Variants in PPARA observed in about 807,000 individuals in gnomAD.
PPARA encodes the protein peroxisome proliferator activated receptor alpha, also known as peroxisome proliferator-activated receptor alpha.
PPARA carries 22 observed loss-of-function variants against 42.2 expected under a neutral mutation model. The ratio of observed to expected loss-of-function variants is 0.52; its 90% CI spans 0.37 to 0.74. The LOEUF (loss-of-function observed/expected upper bound fraction) is 0.74, where lower values mean the gene tolerates loss of function less well. Among genes scored for constraint, PPARA ranks in the 30% least tolerant of loss-of-function variants. The pLI, the probability that PPARA is intolerant of heterozygous loss-of-function variation, is 0.00. For missense variants in PPARA, 465 were observed against 608.2 expected (o/e 0.76, Z 2.48); for synonymous variants, 242 against 239.3 (o/e 1.01, Z -0.10).
In PPARA at chr22:46,198,351, G is replaced by A. The variant is rs1364319650; in HGVS notation, c.-33G>A. On this transcript the variant is annotated 5_prime_UTR_variant, in exon 4 of 9. Transcript: ENST00000407236. ...TCCTCTTTCCTCCCAGTAGCTTGGA[G>A]CTCGGCGGCACAACCAGCACCATCT... 1.2e-6 allele frequency: 2 copies of A among 1,601,328 alleles called. No homozygotes were observed. Among genetic ancestry groups the A allele is most frequent in the South Asian group, 2.2e-5 (2 of 90,852 alleles).
intron 2 of PPARA, among the ~76,000 whole-genome samples, chr22:46,174,190 AAGAG>A (rs150359508): frequency 0.021 from 2,697 of 126,714 alleles, 48 homozygotes; most frequent in African/African-American, 0.057. Context: ...AGAAGGAAGA[AAGAG>A]AGAGAGAGAG....
rs1935225572 is a variant in PPARA at position 46,224,217 on chromosome 22, G to C, written c.711+4203G>C. ...CTTGTCTGCGCACGGGACGCTGGAG[G>C]CACGGCCCCCTCCTCCCTGCCTAGC... On this transcript the variant is annotated intron_variant, in intron 7 of 8. Coordinates refer to ENST00000407236, the MANE Select transcript of PPARA (RefSeq NM_005036.6). This position sits in a 1 kb window ranked among gnomAD's most constrained non-coding sequence, Gnocchi z 5.7. 6.6e-6 allele frequency among the ~76,000 whole-genome samples: 1 copy of C among 152,236 alleles called. No individual in the cohort carries two copies. Among genetic ancestry groups the C allele is most frequent in the African/African-American group, 2.4e-5 (1 of 41,458 alleles).
chr22:46,210,483 C>A (rs1305775908), intron 4 of PPARA, among the ~76,000 whole-genome samples: 1 of 151,570 alleles, frequency 6.6e-6, no homozygotes, highest in Non-Finnish European at 1.5e-5. Flanking sequence ...TACTCTCTCA[C>A]CCAGGCTGTA....
chr22:46,221,747 C>T lies in PPARA; in HGVS notation c.711+1733C>T, dbSNP rs1188290930. The stretch of plus-strand genomic sequence containing the variant: ...CCAGGAGGCAGAGCTTGCAGTGAGC[C>T]GAGATCGTGCCACTGCACTTCCAGC... On this transcript the variant is annotated intron_variant, in intron 7 of 8. Transcript: ENST00000407236. This position sits in a 1 kb window ranked among gnomAD's most constrained non-coding sequence, Gnocchi z 5.9. 1.3e-5 allele frequency among the ~76,000 whole-genome samples: 2 copies of T among 150,972 alleles called. No homozygotes were observed. Among genetic ancestry groups the T allele is most frequent in the African/African-American group, 4.9e-5 (2 of 40,966 alleles).
intron 3 of PPARA, among the ~76,000 whole-genome samples, chr22:46,197,103 G>T (rs141570708): frequency 1.3e-5 from 2 of 151,660 alleles, no homozygotes; most frequent in African/African-American, 4.8e-5. Flanking sequence ...CGGCTAGAGT[G>T]TGGTGGCACC....
rs1030576190 is a variant in PPARA at position 46,192,335 on chromosome 22, C to A, written c.-42-6007C>A. 1.3e-5 allele frequency among the ~76,000 whole-genome samples: 2 copies of A among 152,210 alleles called. No homozygotes were observed. The highest frequency in any genetic ancestry group is 2.9e-5 in the Non-Finnish European group (2 of 68,044). On this transcript the variant is annotated intron_variant, in intron 3 of 8. Transcript: ENST00000407236. The surrounding 1 kb of genome is among the most constrained non-coding windows in gnomAD (Gnocchi z 4.3). The stretch of plus-strand genomic sequence containing the variant: ...CATTTATAACTCATTTTAGCCTAAT[C>A]TTCCAAACAGTCACGCATCTAAGAG...
intron 4 of PPARA, among the ~76,000 whole-genome samples, chr22:46,210,696 G>A (rs975273978): frequency 8.6e-5 from 13 of 152,012 alleles, no homozygotes; most frequent in African/African-American, 2.9e-4. Context: ...CGCCCACCTC[G>A]GCCTCCCAAA....
chr22:46,154,656 T>C (rs1288632943), intron 2 of PPARA, among the ~76,000 whole-genome samples: 1 of 151,940 alleles, frequency 6.6e-6, no homozygotes, highest in Admixed American at 6.6e-5. Context: ...CTTTAAGCAG[T>C]GTTTTTAATT....
Position 46,192,330 on chromosome 22 carries a change from C to T in PPARA, c.-42-6012C>T, listed in dbSNP as rs537667969. Reference sequence around the variant, plus strand: ...TCTCCCATTTATAACTCATTTTAGCCTAATCTTCCAAACAGTCACGCATCT... The same window carrying T: ...TCTCCCATTTATAACTCATTTTAGCTTAATCTTCCAAACAGTCACGCATCT... On this transcript the variant is annotated intron_variant, in intron 3 of 8. Coordinates refer to ENST00000407236, the MANE Select transcript of PPARA (RefSeq NM_005036.6). This position sits in a 1 kb window ranked among gnomAD's most constrained non-coding sequence, Gnocchi z 4.3. 6.6e-5 allele frequency among the ~76,000 whole-genome samples: 10 copies of T among 152,302 alleles called. No individual in the cohort carries two copies. In the South Asian group the frequency reaches 1.9e-3, roughly 28 times the overall value.
rs1926947908 is a variant in PPARA, at chr22:46,165,708, C to A, written c.-126-11045C>A. 6.6e-6 allele frequency among the ~76,000 whole-genome samples: 1 copy of A among 152,232 alleles called. No homozygotes were observed. Among genetic ancestry groups the A allele is most frequent in the Non-Finnish European group, 1.5e-5 (1 of 68,038 alleles). On this transcript the variant is annotated intron_variant, in intron 2 of 8. Transcript: ENST00000407236. The surrounding 1 kb of genome is among the most constrained non-coding windows in gnomAD (Gnocchi z 5.5). Reference sequence around the variant, plus strand: ...TTCTAGCTACGCCCAGTCCTTGAGACTGGATTAAGGTGATCTCAGATTGCA... The same window carrying A: ...TTCTAGCTACGCCCAGTCCTTGAGAATGGATTAAGGTGATCTCAGATTGCA...
intron 3 of PPARA, 57 bp from the exon 4 acceptor site, chr22:46,198,281 AAAAC>A (rs1458516470): frequency 4.1e-6 from 3 of 724,252 alleles, no homozygotes; most frequent in South Asian, 2.8e-5. Flanking sequence ...ATAAAAAATA[AAAAC>A]AAACAAGTGA....
chr22:46,215,432 G>T, intron 5 of PPARA, 99 bp downstream of exon 5: 2 of 1,517,254 alleles, frequency 1.3e-6, no homozygotes, highest in African/African-American at 1.4e-5. Context: ...ATTGCAGAAA[G>T]TCCCGGATAA....
chr22:46,220,232 A>T, intron 7 of PPARA: 1 of 624,774 alleles, frequency 1.6e-6, no homozygotes. Flanking sequence ...GCTCTTAGCA[A>T]CTAAGTTATT....
chr22:46,186,816 G>T (rs891798942), intron 3 of PPARA, among the ~76,000 whole-genome samples: 1 of 151,966 alleles, frequency 6.6e-6, no homozygotes, highest in Admixed American at 6.6e-5. Flanking sequence ...CCCCCACAGT[G>T]GATACCTGAA....
chr22:46,186,773 T>C (rs1361195989), intron 3 of PPARA, among the ~76,000 whole-genome samples: 1 of 150,888 alleles, frequency 6.6e-6, no homozygotes, highest in East Asian at 2.0e-4. Context: ...TGTACAGTGC[T>C]CCCCCCCTTA....
rs147313893 is a variant in PPARA, at chr22:46,191,350, C to A, written c.-42-6992C>A. On this transcript the variant is annotated intron_variant, in intron 3 of 8. Coordinates refer to ENST00000407236, the MANE Select transcript of PPARA (RefSeq NM_005036.6). This position sits in a 1 kb window ranked among gnomAD's most constrained non-coding sequence, Gnocchi z 4.6. ...CCCTTCGGTCTCCTTTTATTCCAAGCAAGTGGCAAAACTACTTTACTCTTA... is the reference window on the plus strand; with the variant it reads ...CCCTTCGGTCTCCTTTTATTCCAAGAAAGTGGCAAAACTACTTTACTCTTA... Among the ~76,000 whole-genome samples the A allele has an allele frequency of 6.4e-4, 98 of 152,286 alleles. 1 individual carries two copies. Among genetic ancestry groups the A allele is most frequent in the Middle Eastern group, 3.4e-3 (1 of 294 alleles).
chr22:46,233,524 G>A lies in PPARA; in HGVS notation c.1159+1285G>A, dbSNP rs145401285. Among the ~76,000 whole-genome samples, 10 of 152,320 alleles carry A rather than the reference G, an allele frequency of 6.6e-5. No individual in the cohort carries two copies. Among genetic ancestry groups the A allele is most frequent in the Non-Finnish European group, 1.3e-4 (9 of 68,026 alleles). On this transcript the variant is annotated intron_variant, in intron 8 of 8. Coordinates refer to ENST00000407236, the MANE Select transcript of PPARA (RefSeq NM_005036.6). The surrounding 1 kb of genome is among the most constrained non-coding windows in gnomAD (Gnocchi z 7.3). ...TGGAGCTGACTCAGCCCTACCAGCC[G>A]TGCCCGTTACTGTGTGGCTGGGCAC...
chr22:46,183,792 C>T lies in PPARA; in HGVS notation c.-43+6956C>T, dbSNP rs192351974. Among the ~76,000 whole-genome samples the T allele has an allele frequency of 6.6e-6, 1 of 152,068 alleles. No homozygotes were observed. The highest frequency in any genetic ancestry group is 2.4e-5 in the African/African-American group (1 of 41,388). ...AAGCTAAATTATCAAATGTCTAGATCGTTGATGGTTGGAAGTAAAGTTGAG... is the reference window on the plus strand; with the variant it reads ...AAGCTAAATTATCAAATGTCTAGATTGTTGATGGTTGGAAGTAAAGTTGAG... On this transcript the variant is annotated intron_variant, in intron 3 of 8. Coordinates refer to ENST00000407236, the MANE Select transcript of PPARA (RefSeq NM_005036.6). This position sits in a 1 kb window ranked among gnomAD's most constrained non-coding sequence, Gnocchi z 5.5.
chr22:46,206,126 G>A (rs577925250), intron 4 of PPARA, among the ~76,000 whole-genome samples: 3 of 151,850 alleles, frequency 2.0e-5, no homozygotes, highest in East Asian at 3.9e-4. Context: ...TTTTTGAGAC[G>A]GAGTCTCTCT....
Sources: gnomAD v4.1 joint callset for allele counts (sites outside exome capture counted in the v4.1 genomes callset) on GRCh38, gnomAD v4.1.1 for gene constraint, Gnocchi (gnomAD v3.1) non-coding constraint, MANE v1.5 for transcripts, NCBI Gene and HGNC (gene_info 2026-07-23, HGNC 2026-07-21) for gene names.